Variants in GAA observed in about 807,000 individuals in gnomAD.
GAA encodes alpha glucosidase, also known as lysosomal alpha-glucosidase.
GAA carries 88 observed loss-of-function variants against 103.9 expected under a neutral mutation model. The observed-to-expected ratio is 0.85, with a 90% CI of 0.71 to 1.01. The LOEUF (loss-of-function observed/expected upper bound fraction) is 1.01. Ranked by LOEUF, GAA falls within the 50% of genes least tolerant of loss-of-function variation. The probability of loss-of-function intolerance (pLI) is 0.00; values close to 1 mark genes in which losing one functional copy is unlikely to be tolerated. For missense variants in GAA, 1,350 were observed against 1,305.3 expected, an observed-to-expected ratio of 1.03 and a Z score of -0.53; for synonymous variants, 572 against 563.1, an observed-to-expected ratio of 1.02 and a Z score of -0.22.
chr17:80,117,247 C>T, intron 16 of GAA, 138 bp downstream of exon 16: 1 of 917,546 alleles, frequency 1.1e-6, no homozygotes, highest in East Asian at 2.6e-5. Context: ...GCCAGGCCCC[C>T]ACCCGGCTGC....
In GAA at chr17:80,108,429, C is replaced by T. The variant is rs370379513; in HGVS notation, c.1075+20C>T. On this transcript the variant is annotated intron_variant, in intron 6 of 19. Transcript: ENST00000302262. Reference sequence around the variant, plus strand: ...TTGTGGGTAGGGCCTGCTCCCTGGCCGCGGCCCCCGCCCCAAGGCTCCCTC... The same window carrying T: ...TTGTGGGTAGGGCCTGCTCCCTGGCTGCGGCCCCCGCCCCAAGGCTCCCTC... The T allele has an allele frequency of 5.0e-5, 81 of 1,613,056 alleles. No homozygotes were observed. Among genetic ancestry groups the T allele is most frequent in the Non-Finnish European group, 6.2e-5 (73 of 1,180,020 alleles).
At chr17:80,113,581 A>G (rs1291096190) in intron 15 of GAA, among the ~76,000 whole-genome samples, 2 of 152,222 alleles carry the variant, frequency 1.3e-5, no homozygotes, top group East Asian at 3.9e-4. Flanking sequence ...AGGAGTTCCT[A>G]ACAACAGCCC....
In GAA at chr17:80,110,804, G is replaced by A; in HGVS notation, c.1515G>A (p.Glu505=). ...ALAWWEDMVA[E]FHDQVPFDGM... is the part of the protein sequence containing the mutation. ...CCTGGTGGGAGGACATGGTGGCTGA[G>A]TTCCATGACCAGGTGCCCTTCGACG... Residue 505 remains glutamate, a synonymous_variant, in exon 10 of 20, where the codon GAG becomes GAA. Coordinates refer to ENST00000302262, the MANE Select transcript of GAA (RefSeq NM_000152.5). 6.2e-7 allele frequency: 1 copy of A among 1,614,146 alleles called. No individual in the cohort carries two copies. Among genetic ancestry groups the A allele is most frequent in the Non-Finnish European group, 8.5e-7 (1 of 1,180,038 alleles).
chr17:80,117,845 C>T, intron 17 of GAA, 96 bp downstream of exon 17: 2 of 1,303,914 alleles, frequency 1.5e-6, no homozygotes, highest in Non-Finnish European at 1.0e-6. Flanking sequence ...CCAGGTGGGG[C>T]TTCTGAGGGG....
intron 8 of GAA, 80 bp from the exon 9 acceptor site, chr17:80,109,865 C>T (rs1367951998): frequency 1.4e-5 from 14 of 993,116 alleles, no homozygotes; most frequent in Non-Finnish European, 1.4e-5. Flanking sequence ...CAGCCTCATC[C>T]TCTCACTGTC....
chr17:80,119,529 T>C lies in GAA; in HGVS notation c.*198T>C. The C allele has an allele frequency of 1.6e-6, 1 of 623,198 alleles. No individual in the cohort carries two copies. Among genetic ancestry groups the C allele is most frequent in the Non-Finnish European group, 2.9e-6 (1 of 341,672 alleles). The allele number at this position is 623,198 out of a possible 1,614,324, so 38.6% of individuals were successfully genotyped here. ...TGGCCCCCAACGTGTCTAGGAGAGC[T>C]TTCTCCCTAGATCGCACTGTGGGCC... On this transcript the variant is annotated 3_prime_UTR_variant, in exon 20 of 20. Coordinates refer to ENST00000302262, the MANE Select transcript of GAA (RefSeq NM_000152.5).
At chr17:80,107,934 C>T (rs771989447) in intron 5 of GAA, 38 bp downstream of exon 5, 71 of 1,556,356 alleles carry the variant, frequency 4.6e-5, no homozygotes, top group Non-Finnish European at 6.0e-5. Context: ...GCCGGGGTCT[C>T]CTCCGTGCTG....
At chr17:80,111,099 C>T (rs1023589452) in intron 11 of GAA, 74 bp downstream of exon 11, 2 of 1,398,216 alleles carry the variant, frequency 1.4e-6, no homozygotes, top group Non-Finnish European at 2.0e-6. Context: ...GGAGACTTAG[C>T]ACCCTCATCT....
Position 80,113,323 on chromosome 17 carries a change from G to T in GAA, c.2146G>T (p.Ala716Ser), listed in dbSNP as rs1349701412. The change falls in exon 15 of 20, where the codon GCC becomes TCC. Residue 716 changes from alanine to serine, a missense_variant. By Grantham distance (99) the Ala-to-Ser change is moderately conservative (BLOSUM62 1). Transcript: ENST00000302262. ...CCACCTCTACACACTGTTCCACCAG[G>T]CCCACGTCGCGGGGGAGACCGTGGC... ...LPHLYTLFHQ[A>S]HVAGETVARP... The T allele has an allele frequency of 6.3e-7, 1 of 1,598,044 alleles. No individual in the cohort carries two copies. Among genetic ancestry groups the T allele is most frequent in the South Asian group, 1.1e-5 (1 of 88,198 alleles).
chr17:80,107,633 A>T lies in GAA; in HGVS notation c.769A>T (p.Ile257Phe). The change falls in exon 4 of 20, where the codon ATC becomes TTC. Residue 257 changes from isoleucine (I) to phenylalanine (F), a missense_variant. Physicochemically the swap from Ile to Phe is conservative, Grantham distance 21. Transcript: ENST00000302262. The stretch of plus-strand genomic sequence containing the variant: ...GTCCACCTCGCTGCCCTCGCAGTAT[A>T]TCACAGGCCTCGCCGAGCACCTCAG... Reference protein sequence around the residue: ...QLSTSLPSQYITGLAEHLSPL... With the variant: ...QLSTSLPSQYFTGLAEHLSPL... 6.2e-7 allele frequency: 1 copy of T among 1,613,128 alleles called. No homozygotes were observed. The highest frequency in any genetic ancestry group is 1.3e-5 in the African/African-American group (1 of 75,020).
intron 11 of GAA, chr17:80,111,676 C>T: frequency 2.2e-6 from 1 of 447,722 alleles, no homozygotes; most frequent in South Asian, 2.4e-5. Flanking sequence ...GGGTTTTGGG[C>T]TTAGGTAAAC....
intron 15 of GAA, 30 bp from the exon 16 acceptor site, chr17:80,116,938 C>T (rs368814570): frequency 3.0e-5 from 49 of 1,613,060 alleles, no homozygotes; most frequent in Admixed American, 5.0e-5. Flanking sequence ...ATTCATCACC[C>T]GTATGCCTGT....
At chr17:80,113,947 G>A (rs1467536627) in intron 15 of GAA, among the ~76,000 whole-genome samples, 1 of 151,962 alleles carries the variant, frequency 6.6e-6, no homozygotes, top group Non-Finnish European at 1.5e-5. Context: ...GAACCTGGGA[G>A]GAGGAGATTG....
chr17:80,119,244 T>C (rs1172387727), intron 19 of GAA, 28 bp from the exon 20 acceptor site: 1 of 1,611,360 alleles, frequency 6.2e-7, no homozygotes, highest in Non-Finnish European at 8.5e-7. Flanking sequence ...GATCTCGGGC[T>C]GCTCCATTTG....
chr17:80,106,566 CAG>C (rs2039094302), intron 3 of GAA, among the ~76,000 whole-genome samples: 3 of 152,258 alleles, frequency 2.0e-5, no homozygotes, highest in Admixed American at 1.3e-4. Context: ...ATGCAGGGGA[CAG>C]GGGTGGCCTC....
intron 17 of GAA, 62 bp from the exon 18 acceptor site, chr17:80,118,131 C>G (rs765029419): frequency 1.9e-6 from 3 of 1,577,290 alleles, no homozygotes; most frequent in African/African-American, 1.3e-5. Context: ...ATTCCCGGGC[C>G]CTGGAGGCCT....
In GAA at chr17:80,117,048, A is replaced by G. The variant is rs768165130; in HGVS notation, c.2270A>G (p.Gln757Arg). The G allele has an allele frequency of 1.2e-6, 2 of 1,613,524 alleles. No individual in the cohort carries two copies. The highest frequency in any genetic ancestry group is 1.7e-6 in the Non-Finnish European group (2 of 1,179,994). ...GCCCTGCTCATCACCCCAGTGCTCC[A>G]GGCCGGGAAGGCCGAAGTGACTGGC... ...GEALLITPVL[Q>R]AGKAEVTGYF... is the part of the protein sequence containing the mutation. The change falls in exon 16 of 20, where the codon CAG (glutamine) becomes CGG (arginine). Residue 757 changes from glutamine (Q) to arginine (R), a missense_variant. Transcript: ENST00000302262.
In GAA at chr17:80,110,028, CGAGA is replaced by C. The variant is rs770276275; in HGVS notation, c.1411_1414del (p.Glu471ProfsTer5). ...TGCGGAGGGGGGTTTTCATCACCAACGAGACCGGCCAGCCGCTGATTGGGAAGGT... is the reference window on the plus strand; with the variant it reads ...TGCGGAGGGGGGTTTTCATCACCAACCCGGCCAGCCGCTGATTGGGAAGGT... On this transcript the variant is annotated frameshift_variant, in exon 9 of 20. Transcript: ENST00000302262. LOFTEE classifies it high-confidence loss of function. The C allele has an allele frequency of 3.7e-6, 6 of 1,613,074 alleles. No individual in the cohort carries two copies. In the East Asian group the frequency reaches 1.3e-4, roughly 36 times the overall value.
Position 80,119,555 on chromosome 17 carries a change from G to A in GAA, c.*224G>A, listed in dbSNP as rs1237721831. ...TTCTCCCTAGATCGCACTGTGGGCC[G>A]GGGCCCTGGAGGGCTGCTCTGTGTT... On this transcript the variant is annotated 3_prime_UTR_variant, in exon 20 of 20. Transcript: ENST00000302262. 1.9e-5 allele frequency: 11 copies of A among 564,796 alleles called. No homozygotes were observed. The highest frequency in any genetic ancestry group is 3.1e-5 in the East Asian group (1 of 31,842). 35.0% of individuals were successfully genotyped at this position (564,796 alleles called of 1,614,324 possible).
Sources: allele counts gnomAD v4.1 joint callset (sites outside exome capture counted in the v4.1 genomes callset), GRCh38; gene constraint gnomAD v4.1.1; transcripts MANE v1.5; gene names NCBI Gene and HGNC (gene_info 2026-07-23, HGNC 2026-07-21).